PGM5: variants seen among roughly 807,000 people sequenced by gnomAD.
PGM5 encodes the protein phosphoglucomutase-like protein 5.
PGM5 carries 23 observed loss-of-function variants against 59.2 expected under a neutral mutation model. That is an observed-to-expected ratio of 0.39 (90% CI 0.28 to 0.55). The LOEUF is 0.55. Among genes scored for constraint, PGM5 ranks in the 20% least tolerant of loss-of-function variants. The pLI is 0.66. For missense variants in PGM5, 574 were observed against 748.3 expected, an observed-to-expected ratio of 0.77 and a Z score of 2.72; for synonymous variants, 214 against 286.0, an observed-to-expected ratio of 0.75 and a Z score of 2.54.
intron 6 of PGM5, chr9:68,464,452 C>T (rs1554685659): frequency 6.6e-6 from 1 of 152,132 alleles, no homozygotes; most frequent in African/African-American, 2.4e-5. Flanking sequence ...GCAAGGAGGC[C>T]AGGCCTTTAT....
chr9:68,385,253 C>T (rs1306080121), intron 3 of PGM5, among the ~76,000 whole-genome samples: 1 of 151,886 alleles, frequency 6.6e-6, no homozygotes, highest in Non-Finnish European at 1.5e-5. Flanking sequence ...TGTATTTTAT[C>T]ATATTGCTTT....
At chr9:68,520,407 G>T (rs966678778) in intron 10 of PGM5, among the ~76,000 whole-genome samples, 1 of 151,844 alleles carries the variant, frequency 6.6e-6, no homozygotes, top group Non-Finnish European at 1.5e-5. Flanking sequence ...GAGTATTTTA[G>T]CACCCCTCTC....
rs553089638 is a variant in PGM5, at chr9:68,479,572, G to T, written c.1295+19G>T. The T allele has an allele frequency of 5.0e-6, 8 of 1,612,198 alleles. No homozygotes were observed. The highest frequency in any genetic ancestry group is 5.9e-6 in the Non-Finnish European group (7 of 1,178,768). On this transcript the variant is annotated intron_variant, in intron 8 of 10. Transcript: ENST00000396396. ...ATTGCAGGTGAGGAGAAGGGGAAGGGTCTCTGTATGGACCCTGAAGAACTA... is the reference window on the plus strand; with the variant it reads ...ATTGCAGGTGAGGAGAAGGGGAAGGTTCTCTGTATGGACCCTGAAGAACTA...
chr9:68,411,710 CAG>C (rs1243491180), intron 6 of PGM5, among the ~76,000 whole-genome samples: 3 of 152,010 alleles, frequency 2.0e-5, no homozygotes, highest in Non-Finnish European at 2.9e-5. Flanking sequence ...GATTTAGTGA[CAG>C]AGTCAGATAT....
At chr9:68,514,912 A>G (rs1245300168) in intron 10 of PGM5, among the ~76,000 whole-genome samples, 1 of 152,236 alleles carries the variant, frequency 6.6e-6, no homozygotes, top group Non-Finnish European at 1.5e-5. Flanking sequence ...AGAAACAAGA[A>G]AATCAGTTTC....
Position 68,479,089 on chromosome 9 carries a change from A to G in PGM5, c.1160-329A>G, listed in dbSNP as rs186092514. ...ACTATCTTGTTCACTGCTTTACCCC[A>G]AGACGTAGAACAATGCCTGATATAT... On this transcript the variant is annotated intron_variant, in intron 7 of 10. Transcript: ENST00000396396. Among the ~76,000 whole-genome samples, 96 of 152,352 alleles carry G rather than the reference A, an allele frequency of 6.3e-4. 1 individual carries two copies. In the East Asian group the frequency reaches 0.018, roughly 28 times the overall value.
chr9:68,380,075 A>G (rs1822028513), intron 2 of PGM5, among the ~76,000 whole-genome samples: 1 of 151,800 alleles, frequency 6.6e-6, no homozygotes. Context: ...AGACAACACT[A>G]AATTTGAACT....
rs532366510 is a variant in PGM5, at chr9:68,479,717, G to A, written c.1295+164G>A. On this transcript the variant is annotated intron_variant, in intron 8 of 10. Coordinates refer to ENST00000396396, the MANE Select transcript of PGM5 (RefSeq NM_021965.4). ...TGGGAGGCCGAGGTGGGCGGATCACGAGGTCAGGAGATCGAGACCATCCCG... is the reference window on the plus strand; with the variant it reads ...TGGGAGGCCGAGGTGGGCGGATCACAAGGTCAGGAGATCGAGACCATCCCG... Among the ~76,000 whole-genome samples, 335 of 152,138 alleles carry A rather than the reference G, an allele frequency of 2.2e-3. 1 individual carries two copies. The highest frequency in any genetic ancestry group is 7.9e-3 in the African/African-American group (329 of 41,524).
At chr9:68,493,464 G>A (rs1339482678) in intron 9 of PGM5, among the ~76,000 whole-genome samples, 1 of 152,176 alleles carries the variant, frequency 6.6e-6, no homozygotes, top group Non-Finnish European at 1.5e-5. Context: ...TGTAAGCCTA[G>A]AGTCAGAAGA....
At chr9:68,424,017 G>A (rs528329871) in intron 6 of PGM5, among the ~76,000 whole-genome samples, 1 of 152,216 alleles carries the variant, frequency 6.6e-6, no homozygotes, top group African/African-American at 2.4e-5. Flanking sequence ...CATAGTCTGT[G>A]GCCAATTTTC....
chr9:68,529,164 C>CATGT (rs1488725319), intron 10 of PGM5, among the ~76,000 whole-genome samples: 5 of 131,860 alleles, frequency 3.8e-5, no homozygotes, highest in Non-Finnish European at 8.0e-5. Flanking sequence ...CTTTTATTCT[C>CATGT]GTGTGTGTGT....
At chr9:68,496,324 C>G (rs1239021391) in intron 9 of PGM5, among the ~76,000 whole-genome samples, 2 of 152,332 alleles carry the variant, frequency 1.3e-5, no homozygotes, top group East Asian at 3.9e-4. Context: ...CAATCCAATA[C>G]AGCTATTCAC....
At chr9:68,479,388 T>C in intron 7 of PGM5, 30 bp from the exon 8 acceptor site, 5 of 1,586,988 alleles carry the variant, frequency 3.2e-6, no homozygotes, top group Non-Finnish European at 3.4e-6. Context: ...CACAAATGAA[T>C]GCTCAGCAGA....
chr9:68,474,126 C>G (rs1409019605), intron 7 of PGM5, among the ~76,000 whole-genome samples: 1 of 152,162 alleles, frequency 6.6e-6, no homozygotes, highest in Non-Finnish European at 1.5e-5. Context: ...TGGGCCCCAT[C>G]ATTAAAAGTT....
rs2987697 is a variant in PGM5 at position 68,396,187 on chromosome 9, G to A, written c.1043+3714G>A. 3.2e-4 allele frequency: 48 copies of A among 149,856 alleles called. 1 individual carries two copies. Among genetic ancestry groups the A allele is most frequent in the African/African-American group, 1.1e-3 (45 of 40,770 alleles). 9.3% of individuals were successfully genotyped at this position (149,856 alleles called of 1,614,324 possible). A position where few individuals can be genotyped will look rare whatever the true frequency, so the allele number is the denominator to read the frequency against. On this transcript the variant is annotated intron_variant, in intron 6 of 10. Transcript: ENST00000396396. ...GCAATAATTTTATGAGGTAATTGAG[G>A]TAGGTATTACTCTCCTCATATTAAA... is the stretch of plus-strand genomic sequence containing the variant.
chr9:68,414,625 T>A (rs868949323), intron 6 of PGM5, among the ~76,000 whole-genome samples: 8 of 151,688 alleles, frequency 5.3e-5, no homozygotes, highest in Admixed American at 4.6e-4. Flanking sequence ...GAGGAAATGA[T>A]AAGGCACATC....
chr9:68,520,575 AT>A (rs990058939), intron 10 of PGM5, among the ~76,000 whole-genome samples: 1 of 152,246 alleles, frequency 6.6e-6, no homozygotes, highest in African/African-American at 2.4e-5. Flanking sequence ...ACGTATAAAA[AT>A]TACCTATATG....
chr9:68,472,760 G>T (rs1824042205), intron 7 of PGM5, among the ~76,000 whole-genome samples: 1 of 152,186 alleles, frequency 6.6e-6, no homozygotes, highest in African/African-American at 2.4e-5. Context: ...TTTATAGGGT[G>T]TTGCTATGGT....
intron 2 of PGM5, 78 bp from the exon 3 acceptor site, chr9:68,384,320 G>A: frequency 1.1e-6 from 1 of 895,458 alleles, no homozygotes; most frequent in Non-Finnish European, 1.8e-6. Context: ...TCTGCCTGGT[G>A]GAGGAGGATG....
Sources: allele counts gnomAD v4.1 joint callset (sites outside exome capture counted in the v4.1 genomes callset), GRCh38; gene constraint gnomAD v4.1.1; transcripts MANE v1.5; gene names NCBI Gene and HGNC (gene_info 2026-07-23, HGNC 2026-07-21).